Variants in SYNE2 observed in about 807,000 individuals in gnomAD.
SYNE2 encodes the protein nesprin-2.
A neutral mutation model predicts 856.3 loss-of-function variants in SYNE2; 431 were observed. The ratio of observed to expected loss-of-function variants is 0.50; its 90% CI spans 0.47 to 0.55. The LOEUF (loss-of-function observed/expected upper bound fraction) is 0.55, where lower values mean the gene tolerates loss of function less well. Among genes scored for constraint, SYNE2 ranks in the 20% least tolerant of loss-of-function variants. The pLI is 0.00. For synonymous variants in SYNE2, 2,923 were observed against 2,872.3 expected (o/e 1.02, Z -0.56); for missense variants, 8,129 against 8,023.2 (o/e 1.01, Z -0.50).
intron 89 of SYNE2, among the ~76,000 whole-genome samples, chr14:64,164,598 C>T (rs1296536947): frequency 1.3e-5 from 2 of 152,144 alleles, no homozygotes; most frequent in Non-Finnish European, 2.9e-5. Flanking sequence ...CAACAAGCTA[C>T]ACAGAAGGCC....
At position 64,218,483 on chromosome 14, in the gene SYNE2, G is replaced by T. The variant is rs138090822; in HGVS notation, c.19628G>T (p.Gly6543Val). 49 of 1,613,938 alleles carry T rather than the reference G, an allele frequency of 3.0e-5. No individual in the cohort carries two copies. The highest frequency in any genetic ancestry group is 5.3e-5 in the African/African-American group (4 of 74,934). ...GGCAACCCACAGCAGGAAGACGGGGGACTGGCCGGTATCACAGAGCAGCAG... is the reference window on the plus strand; with the variant it reads ...GGCAACCCACAGCAGGAAGACGGGGTACTGGCCGGTATCACAGAGCAGCAG... The part of the protein sequence containing the change: ...LNGNPQQEDG[G>V]LAGITEQQSG... Residue 6543 changes from glycine to valine, a missense_variant, in exon 109 of 116, where the codon GGA becomes GTA. Gly to Val is a moderately radical substitution (Grantham distance 109). Transcript: ENST00000555002.
At chr14:64,195,651 G>C (rs1846803095) in intron 99 of SYNE2, among the ~76,000 whole-genome samples, 1 of 152,260 alleles carries the variant, frequency 6.6e-6, no homozygotes, top group African/African-American at 2.4e-5. Context: ...GACCGTGGCA[G>C]TTGTGTGTTA....
chr14:63,955,353 G>C (rs1181169445), intron 8 of SYNE2, among the ~76,000 whole-genome samples: 1 of 152,130 alleles, frequency 6.6e-6, no homozygotes, highest in Non-Finnish European at 1.5e-5. Context: ...TCCCTATGTG[G>C]TTGGTCATTG....
In SYNE2 at chr14:63,990,464, T is replaced by C. The variant is rs752877919; in HGVS notation, c.2367T>C (p.Asp789=). 2 of 1,613,772 alleles carry C rather than the reference T, an allele frequency of 1.2e-6. No individual in the cohort carries two copies. Among genetic ancestry groups the C allele is most frequent in the South Asian group, 1.1e-5 (1 of 91,062 alleles). The change falls in exon 20 of 116, where the codon GAT becomes GAC. Residue 789 remains aspartate (D), a synonymous_variant. Transcript: ENST00000555002. ...MFDELMARSE[D]MLQMDIQNIS... is the part of the protein sequence containing the mutation. The stretch of plus-strand genomic sequence containing the variant: ...ATGAGCTTATGGCAAGAAGTGAAGA[T>C]ATGTTACAAATGGATATACAAAATA...
intron 43 of SYNE2, 92 bp downstream of exon 43, chr14:64,027,885 T>C: frequency 9.6e-7 from 1 of 1,046,074 alleles, no homozygotes; most frequent in Non-Finnish European, 1.4e-6. Flanking sequence ...TGTTGTTCAT[T>C]TTGTTTTGTT....
At chr14:63,869,636 CAA>C (rs35258750) in intron 1 of SYNE2, among the ~76,000 whole-genome samples, 926 of 77,392 alleles carry the variant, frequency 0.012, 10 homozygotes, top group African/African-American at 0.045. Flanking sequence ...AACTTTGTCT[CAA>C]AAAAAAAAAA....
chr14:63,940,954 A>G, intron 3 of SYNE2, among the ~76,000 whole-genome samples: 1 of 152,242 alleles, frequency 6.6e-6, no homozygotes, highest in Non-Finnish European at 1.5e-5. Flanking sequence ...GTGAAGTAAT[A>G]GTAATACTGA....
intron 99 of SYNE2, among the ~76,000 whole-genome samples, chr14:64,196,292 G>T (rs2098540361): frequency 1.3e-5 from 2 of 152,122 alleles, no homozygotes; most frequent in African/African-American, 4.8e-5. Flanking sequence ...ATGAGTCTAA[G>T]GTAGACTAGA....
chr14:64,225,085 TCCACACTC>T (rs1393950559), intron 115 of SYNE2, 40 bp downstream of exon 115: 6 of 1,609,164 alleles, frequency 3.7e-6, no homozygotes, highest in Middle Eastern at 1.7e-4. Flanking sequence ...GTTCCCCTGC[TCCACACTC>T]CCACTGACTC....
Position 64,158,671 on chromosome 14 carries a change from A to G in SYNE2, c.15839A>G (p.Lys5280Arg). The G allele has an allele frequency of 1.2e-6, 2 of 1,613,994 alleles. No individual in the cohort carries two copies. Among genetic ancestry groups the G allele is most frequent in the Non-Finnish European group, 1.7e-6 (2 of 1,179,896 alleles). Reference protein sequence around the residue: ...TSMQSVLQEWKIYDQLYDEVN... With the variant: ...TSMQSVLQEWRIYDQLYDEVN... ...ATGCAGTCAGTTTTACAGGAGTGGA[A>G]GATTTATGATCAACTCTATGATGAA... Residue 5280 changes from lysine to arginine, a missense_variant, in exon 86 of 116, where the codon AAG (lysine) becomes AGG (arginine). Physicochemically the swap from Lys to Arg is conservative, Grantham distance 26. This residue lies in a region of SYNE2 where 5,410 missense variants were observed against 5,284.8 expected (regional missense o/e 1.02). Coordinates refer to ENST00000555002, the MANE Select transcript of SYNE2 (RefSeq NM_182914.3).
At chr14:64,100,531 A>AAAAATATATATAT (rs1491537041) in intron 63 of SYNE2, among the ~76,000 whole-genome samples, 1 of 39,490 alleles carries the variant, frequency 2.5e-5, no homozygotes, top group Non-Finnish European at 4.7e-5. Flanking sequence ...AAAAAAAAAA[A>AAAAATATATATAT]ATATATATAT....
chr14:64,217,206 G>A (rs753436335), intron 108 of SYNE2, among the ~76,000 whole-genome samples: 1 of 152,200 alleles, frequency 6.6e-6, no homozygotes, highest in Admixed American at 6.5e-5. Flanking sequence ...ATTTCACCTA[G>A]TAGTTGTTAA....
rs145644151 is a variant in SYNE2 at position 64,079,251 on chromosome 14, T to G, written c.11163+645T>G. Among the ~76,000 whole-genome samples the G allele has an allele frequency of 2.0e-3, 304 of 152,312 alleles. 2 individuals carry two copies. Among genetic ancestry groups the G allele is most frequent in the African/African-American group, 7.1e-3 (297 of 41,568 alleles). ...AAGCTCTTTTTTAGACTGCAAAGGT[T>G]AAATAAAAATAAAAATTCCAAATTT... On this transcript the variant is annotated intron_variant, in intron 55 of 115. Coordinates refer to ENST00000555002, the MANE Select transcript of SYNE2 (RefSeq NM_182914.3).
intron 1 of SYNE2, among the ~76,000 whole-genome samples, chr14:63,887,912 C>A (rs934940238): frequency 1.4e-4 from 21 of 151,806 alleles, no homozygotes; most frequent in Non-Finnish European, 2.5e-4. Flanking sequence ...GCCACCATGC[C>A]CGGCTAACTT....
chr14:63,884,887 G>A (rs1249398745), intron 1 of SYNE2, among the ~76,000 whole-genome samples: 10 of 151,994 alleles, frequency 6.6e-5, no homozygotes, highest in African/African-American at 2.4e-4. Flanking sequence ...TGATCCGCCC[G>A]CCTCGGCCTC....
At chr14:64,001,231 A>G (rs1159177030) in intron 28 of SYNE2, among the ~76,000 whole-genome samples, 1 of 152,236 alleles carries the variant, frequency 6.6e-6, no homozygotes, top group African/African-American at 2.4e-5. Context: ...TATATTTGTA[A>G]TATGGAAATA....
At chr14:63,943,690 A>C (rs2095965122) in intron 6 of SYNE2, among the ~76,000 whole-genome samples, 2 of 147,960 alleles carry the variant, frequency 1.4e-5, no homozygotes, top group East Asian at 3.9e-4. Flanking sequence ...TTTTTTTTTG[A>C]GACAGAGTCT....
Position 64,018,534 on chromosome 14 carries a change from GC to G in SYNE2, c.5049+781del, listed in dbSNP as rs2096912455. 2.0e-5 allele frequency among the ~76,000 whole-genome samples: 3 copies of G among 152,270 alleles called. No individual in the cohort carries two copies. In the South Asian group the frequency reaches 6.2e-4, roughly 32 times the overall value. ...TGGGATTACAGGCGTGAGCCATCAT[GC>G]CCAGCCAGCAGACTTTTTCTTAAAG... On this transcript the variant is annotated intron_variant, in intron 34 of 115. Coordinates refer to ENST00000555002, the MANE Select transcript of SYNE2 (RefSeq NM_182914.3).
chr14:63,773,585 A>G (rs938153616), intron 1 of SYNE2, among the ~76,000 whole-genome samples: 8 of 152,216 alleles, frequency 5.3e-5, no homozygotes, highest in Middle Eastern at 3.4e-3. Context: ...GGGTCTCACT[A>G]TGCTGCCCGT....
Sources: allele counts gnomAD v4.1 joint callset (sites outside exome capture counted in the v4.1 genomes callset), GRCh38; gene constraint gnomAD v4.1.1; regional missense constraint gnomAD v4.1.1; transcripts MANE v1.5; gene names NCBI Gene and HGNC (gene_info 2026-07-23, HGNC 2026-07-21).